The following SLC16A12 variants were observed in gnomAD, a reference collection of about 807,000 sequenced individuals.
SLC16A12 encodes monocarboxylate transporter 12.
Under a neutral mutation model 42.4 loss-of-function variants are expected in SLC16A12, and 17 were observed. The ratio of observed to expected loss-of-function variants is 0.40; its 90% CI spans 0.27 to 0.60. SLC16A12 has a LOEUF of 0.60. SLC16A12 is among the 20% of genes least tolerant of loss of function. The pLI, the probability that SLC16A12 is intolerant of heterozygous loss-of-function variation, is 0.42. For missense variants in SLC16A12, 544 were observed against 623.0 expected, an observed-to-expected ratio of 0.87 and a Z score of 1.35; for synonymous variants, 224 against 229.4, an observed-to-expected ratio of 0.98 and a Z score of 0.21.
chr10:89,451,219 C>A (rs1192311494), intron 3 of SLC16A12, among the ~76,000 whole-genome samples: 15 of 152,186 alleles, frequency 9.9e-5, no homozygotes, highest in African/African-American at 1.4e-4. Context: ...TATGTTCACT[C>A]TCCCTCTCCT....
At chr10:89,518,105 A>T (rs974890186) in intron 2 of SLC16A12, among the ~76,000 whole-genome samples, 4 of 152,202 alleles carry the variant, frequency 2.6e-5, no homozygotes, top group Non-Finnish European at 4.4e-5. Flanking sequence ...GTAGCTGGGC[A>T]CCAATAAATG....
intron 5 of SLC16A12, among the ~76,000 whole-genome samples, 183 bp from the exon 6 acceptor site, chr10:89,439,366 T>C (rs1366329077): frequency 1.3e-5 from 2 of 152,222 alleles, no homozygotes; most frequent in East Asian, 1.9e-4. Flanking sequence ...AAATGTAGAA[T>C]ATATATGACT....
intron 6 of SLC16A12, among the ~76,000 whole-genome samples, chr10:89,438,014 C>T (rs777548490): frequency 6.6e-6 from 1 of 152,188 alleles, no homozygotes; most frequent in Non-Finnish European, 1.5e-5. Context: ...TTTTCCATTG[C>T]CAGTCAGGAC....
intron 2 of SLC16A12, among the ~76,000 whole-genome samples, chr10:89,492,487 T>C (rs2133808547): frequency 6.6e-6 from 1 of 152,022 alleles, no homozygotes; most frequent in East Asian, 1.9e-4. Flanking sequence ...CCCAACACTT[T>C]GGGAGGCTGA....
At chr10:89,541,146 T>C (rs1843713340) in intron 2 of SLC16A12, among the ~76,000 whole-genome samples, 1 of 151,792 alleles carries the variant, frequency 6.6e-6, no homozygotes, top group Admixed American at 6.6e-5. Context: ...CAGGATGGTC[T>C]CGATCTCCTG....
chr10:89,471,979 T>C lies in SLC16A12; in HGVS notation c.-46-9355A>G, dbSNP rs531623339. 6.6e-5 allele frequency among the ~76,000 whole-genome samples: 10 copies of C among 152,276 alleles called. No homozygotes were observed. The South Asian group carries it at 1.5e-3, about 22-fold the overall frequency. On this transcript the variant is annotated intron_variant, in intron 2 of 7. Coordinates refer to ENST00000371790, the MANE Select transcript of SLC16A12 (RefSeq NM_213606.4). ...CTATATTTTACTAGGTGGTCTGTTT[T>C]TTATTATTGGGATACAGGAATACTT...
At chr10:89,455,922 C>G (rs760274328) in intron 3 of SLC16A12, 1 of 152,206 alleles carries the variant, frequency 6.6e-6, no homozygotes, top group Non-Finnish European at 1.5e-5. Flanking sequence ...TTCATAGGCT[C>G]TGTTCATAAG....
intron 6 of SLC16A12, among the ~76,000 whole-genome samples, 189 bp from the exon 7 acceptor site, chr10:89,436,508 G>A (rs938740596): frequency 2.0e-5 from 3 of 152,076 alleles, no homozygotes; most frequent in Admixed American, 1.3e-4. Context: ...AGGAAGCATG[G>A]TGTGGTAGAA....
intron 2 of SLC16A12, among the ~76,000 whole-genome samples, chr10:89,496,320 T>C (rs1393142340): frequency 6.6e-6 from 1 of 151,714 alleles, no homozygotes; most frequent in African/African-American, 2.4e-5. Context: ...ATTTGGAAAC[T>C]AAAAAAGAAT....
At chr10:89,510,805 T>C (rs1843150700) in intron 2 of SLC16A12, among the ~76,000 whole-genome samples, 1 of 152,160 alleles carries the variant, frequency 6.6e-6, no homozygotes, top group Non-Finnish European at 1.5e-5. Flanking sequence ...ACCTACAGAA[T>C]GGGATAAAAT....
At chr10:89,495,816 G>A (rs1023903312) in intron 2 of SLC16A12, among the ~76,000 whole-genome samples, 1 of 152,190 alleles carries the variant, frequency 6.6e-6, no homozygotes, top group Non-Finnish European at 1.5e-5. Context: ...CCAGCATCAT[G>A]AGAAAGTTGT....
chr10:89,498,994 T>A (rs928093561), intron 2 of SLC16A12, among the ~76,000 whole-genome samples: 10 of 152,140 alleles, frequency 6.6e-5, no homozygotes, highest in African/African-American at 2.2e-4. Context: ...CAGCCCTAGA[T>A]CTTCCCTCTG....
chr10:89,552,930 T>C (rs1302141546), intron 2 of SLC16A12, among the ~76,000 whole-genome samples: 2 of 152,178 alleles, frequency 1.3e-5, no homozygotes, highest in Non-Finnish European at 2.9e-5. Context: ...AAAATGACCA[T>C]TGAAATGCAT....
chr10:89,528,431 G>A (rs1843490005), intron 2 of SLC16A12, among the ~76,000 whole-genome samples: 1 of 152,092 alleles, frequency 6.6e-6, no homozygotes. Context: ...CTTGAAAATA[G>A]TTGGTTAATT....
At chr10:89,445,798 C>T (rs1292903213) in intron 3 of SLC16A12, among the ~76,000 whole-genome samples, 1 of 152,124 alleles carries the variant, frequency 6.6e-6, no homozygotes, top group East Asian at 1.9e-4. Flanking sequence ...TCAGTACTAA[C>T]AAACTTCTCC....
rs369583268 is a variant in SLC16A12 at position 89,438,559 on chromosome 10, T to G, written c.1028+45A>C. 2.3e-4 allele frequency: 368 copies of G among 1,578,686 alleles called. 1 individual carries two copies. The highest frequency in any genetic ancestry group is 3.1e-4 in the Non-Finnish European group (358 of 1,154,006). On this transcript the variant is annotated intron_variant, in intron 6 of 7. Transcript: ENST00000371790. Reference sequence around the variant, plus strand: ...AGGGGCTGAGGAGAAACTCAAGGCTTAAAGTCCCCTGGTGGGGAACCAATT... The same window carrying G: ...AGGGGCTGAGGAGAAACTCAAGGCTGAAAGTCCCCTGGTGGGGAACCAATT...
chr10:89,464,025 A>C (rs1272444909), intron 2 of SLC16A12, among the ~76,000 whole-genome samples: 1 of 152,032 alleles, frequency 6.6e-6, no homozygotes, highest in Non-Finnish European at 1.5e-5. Context: ...GTTATATATG[A>C]CTCAGGCCTG....
At chr10:89,489,400 C>T (rs563141826) in intron 2 of SLC16A12, among the ~76,000 whole-genome samples, 37 of 151,958 alleles carry the variant, frequency 2.4e-4, no homozygotes, top group Non-Finnish European at 4.9e-4. Flanking sequence ...AGTGCAATGG[C>T]GAGATCTAGG....
chr10:89,486,016 C>T (rs927497601), intron 2 of SLC16A12, among the ~76,000 whole-genome samples: 8 of 152,136 alleles, frequency 5.3e-5, no homozygotes, highest in Non-Finnish European at 1.2e-4. Flanking sequence ...CAGTAAAATC[C>T]ATGATTAGGT....
Sources: allele counts gnomAD v4.1 joint callset (sites outside exome capture counted in the v4.1 genomes callset), GRCh38; gene constraint gnomAD v4.1.1; transcripts MANE v1.5; gene names NCBI Gene and HGNC (gene_info 2026-07-23, HGNC 2026-07-21).